The following ZFR variants were observed in gnomAD, a reference collection of about 807,000 sequenced individuals.
The protein encoded by ZFR is zinc finger RNA binding protein, also known as zinc finger RNA-binding protein.
Under a neutral mutation model 130.7 loss-of-function variants are expected in ZFR, and 19 were observed. That is an observed-to-expected ratio of 0.15 (90% confidence interval 0.10 to 0.21). The LOEUF (loss-of-function observed/expected upper bound fraction) is 0.21. ZFR is among the 10% of genes least tolerant of loss of function. The pLI, the probability that ZFR is intolerant of heterozygous loss-of-function variation, is 1.00. For synonymous variants in ZFR, 466 were observed against 456.9 expected (o/e 1.02, Z -0.25); for missense variants, 872 against 1,321.5 (o/e 0.66, Z 5.27).
intron 2 of ZFR, among the ~76,000 whole-genome samples, chr5:32,425,526 T>C (rs1427773385): frequency 5.3e-5 from 8 of 152,214 alleles, no homozygotes. Flanking sequence ...TAATGTGTAA[T>C]ACTTTTACTC....
chr5:32,416,705 A>T (rs1753834759), intron 4 of ZFR, among the ~76,000 whole-genome samples: 1 of 152,060 alleles, frequency 6.6e-6, no homozygotes, highest in East Asian at 1.9e-4. Flanking sequence ...GGACTCATAA[A>T]ATCTTACAAC....
chr5:32,391,704 G>A (rs1372172882), intron 11 of ZFR, among the ~76,000 whole-genome samples: 1 of 152,000 alleles, frequency 6.6e-6, no homozygotes, highest in Non-Finnish European at 1.5e-5. Context: ...AGAAAGAAGT[G>A]CGCTTCCTGA....
chr5:32,394,116 T>C (rs937235400), intron 11 of ZFR, among the ~76,000 whole-genome samples: 9 of 152,238 alleles, frequency 5.9e-5, no homozygotes, highest in African/African-American at 1.2e-4. Context: ...ACGTGTATGG[T>C]ATGTTTCTGC....
Position 32,387,542 on chromosome 5 carries a change from T to C in ZFR, c.2499+7A>G, listed in dbSNP as rs1367357260. The C allele has an allele frequency of 1.2e-6, 2 of 1,611,198 alleles. No homozygotes were observed. The highest frequency in any genetic ancestry group is 2.2e-5 in the East Asian group (1 of 44,702). On this transcript the variant is annotated splice_region_variant and intron_variant, in intron 14 of 19. Transcript: ENST00000265069. ...GGGGTAAAAATGAACATTTCCATAA[T>C]ACTTACAGCAAGCTGTTTGGGTAGG...
At chr5:32,381,678 T>C (rs1481982574) in intron 15 of ZFR, among the ~76,000 whole-genome samples, 2 of 152,232 alleles carry the variant, frequency 1.3e-5, no homozygotes, top group East Asian at 1.9e-4. Context: ...ATAAAAAACA[T>C]ATTTTGAAAC....
In ZFR at chr5:32,355,796, C is replaced by T; in HGVS notation, c.3189G>A (p.Glu1063=). Residue 1063 remains glutamate (E), a synonymous_variant, in exon 20 of 20, where the codon GAG becomes GAA. Coordinates refer to ENST00000265069, the MANE Select transcript of ZFR (RefSeq NM_016107.5). Reference sequence around the variant, plus strand: ...CATAATCTTTTTTGTCTTTTTTCCCCTCAGCTTCAAATCCATCAACTCCAT... The same window carrying T: ...CATAATCTTTTTTGTCTTTTTTCCCTTCAGCTTCAAATCCATCAACTCCAT... ...DSDGVDGFEA[E]GKKDKKDYDN... The T allele has an allele frequency of 6.3e-7, 1 of 1,594,818 alleles. No individual in the cohort carries two copies.
chr5:32,431,980 A>G (rs554660607), intron 2 of ZFR, among the ~76,000 whole-genome samples: 3 of 151,296 alleles, frequency 2.0e-5, no homozygotes, highest in Non-Finnish European at 4.4e-5. Flanking sequence ...CATGTGTGCC[A>G]GCATGCCCAG....
At chr5:32,408,208 A>C (rs1160647439) in intron 5 of ZFR, among the ~76,000 whole-genome samples, 3 of 151,892 alleles carry the variant, frequency 2.0e-5, no homozygotes, top group Admixed American at 2.0e-4. Context: ...CAATTTCTAA[A>C]CCTAATTTTT....
At chr5:32,400,846 C>CA (rs1753433515) in intron 8 of ZFR, among the ~76,000 whole-genome samples, 1 of 151,742 alleles carries the variant, frequency 6.6e-6, no homozygotes, top group African/African-American at 2.4e-5. Flanking sequence ...ACCCTGTCTC[C>CA]CAAAAAAGTT....
chr5:32,427,345 A>C (rs1242106796), intron 2 of ZFR, among the ~76,000 whole-genome samples: 7 of 142,292 alleles, frequency 4.9e-5, no homozygotes, highest in African/African-American at 1.9e-4. Flanking sequence ...TGATCGTGCC[A>C]GTCTGGGCAA....
intron 5 of ZFR, among the ~76,000 whole-genome samples, chr5:32,413,141 C>A (rs1228351324): frequency 6.6e-6 from 1 of 151,766 alleles, no homozygotes; most frequent in East Asian, 1.9e-4. Context: ...GTGAGCCAAG[C>A]TGGTACCACT....
At chr5:32,440,010 A>C (rs1405353613) in intron 2 of ZFR, among the ~76,000 whole-genome samples, 2 of 152,182 alleles carry the variant, frequency 1.3e-5, no homozygotes, top group Non-Finnish European at 2.9e-5. Context: ...TTTTGATCCT[A>C]TGAAACTATT....
chr5:32,412,833 A>G (rs1179598195), intron 5 of ZFR, among the ~76,000 whole-genome samples: 2 of 152,218 alleles, frequency 1.3e-5, no homozygotes, highest in Non-Finnish European at 2.9e-5. Context: ...TGGTGAACCT[A>G]GGTGAATGGC....
At chr5:32,421,327 T>C (rs1243527615) in intron 2 of ZFR, among the ~76,000 whole-genome samples, 2 of 152,154 alleles carry the variant, frequency 1.3e-5, no homozygotes, top group Non-Finnish European at 2.9e-5. Context: ...AAAAAAAATG[T>C]TGAAGCTGCA....
intron 17 of ZFR, among the ~76,000 whole-genome samples, chr5:32,365,408 C>T (rs1189782907): frequency 1.3e-5 from 2 of 151,628 alleles, no homozygotes; most frequent in South Asian, 2.1e-4. Flanking sequence ...AGAAATAGCG[C>T]ACATTAACAA....
intron 15 of ZFR, among the ~76,000 whole-genome samples, chr5:32,385,024 T>G (rs1198532157): frequency 1.3e-5 from 2 of 152,096 alleles, no homozygotes; most frequent in Admixed American, 6.6e-5. Flanking sequence ...ACAAGCCAAA[T>G]CCATTATTAT....
intron 14 of ZFR, among the ~76,000 whole-genome samples, chr5:32,386,642 TA>T (rs746802042): frequency 1.3e-5 from 2 of 150,426 alleles, no homozygotes; most frequent in South Asian, 2.1e-4. Flanking sequence ...TCCCGATAAT[TA>T]AAAAAAAAGA....
intron 2 of ZFR, among the ~76,000 whole-genome samples, chr5:32,424,529 T>A (rs1185582359): frequency 7.3e-6 from 1 of 136,694 alleles, no homozygotes. Flanking sequence ...CGAGACTCCG[T>A]CTCAAAAAAA....
At chr5:32,388,138 T>C (rs1041241685) in intron 13 of ZFR, among the ~76,000 whole-genome samples, 2 of 152,102 alleles carry the variant, frequency 1.3e-5, no homozygotes, top group Non-Finnish European at 2.9e-5. Flanking sequence ...AAAGACTGAG[T>C]GTGGGGCAGA....
Sources: gnomAD v4.1 joint callset for allele counts (sites outside exome capture counted in the v4.1 genomes callset) on GRCh38, gnomAD v4.1.1 for gene constraint, MANE v1.5 for transcripts, NCBI Gene and HGNC (gene_info 2026-07-23, HGNC 2026-07-21) for gene names.